AGBL2: variants seen among roughly 807,000 people sequenced by gnomAD.
AGBL2 encodes cytosolic carboxypeptidase 2.
A neutral mutation model predicts 103.0 loss-of-function variants in AGBL2; 87 were observed. That is an observed-to-expected ratio of 0.84 (90% CI 0.71 to 1.01). The LOEUF is 1.01. AGBL2 is among the 50% of genes least tolerant of loss of function. The probability of loss-of-function intolerance (pLI) is 0.00; values close to 1 mark genes in which losing one functional copy is unlikely to be tolerated. For missense variants in AGBL2, 904 were observed against 1,023.5 expected (o/e 0.88, Z 1.59); for synonymous variants, 335 against 356.7 (o/e 0.94, Z 0.69).
At position 47,681,683 on chromosome 11, in the gene AGBL2, C is replaced by T. The variant is rs530684039; in HGVS notation, c.1915+286G>A. On this transcript the variant is annotated intron_variant, in intron 12 of 18. Transcript: ENST00000525123. ...CCATGTTGGTCACGCTGGTCTTGAT[C>T]TCCTGACCTCGTGATCTGCCCGCCT... Among the ~76,000 whole-genome samples the T allele has an allele frequency of 2.6e-5, 4 of 152,350 alleles. No individual in the cohort carries two copies. In the South Asian group the frequency reaches 8.3e-4, roughly 32 times the overall value.
At chr11:47,691,379 T>C (rs2097444683) in intron 9 of AGBL2, among the ~76,000 whole-genome samples, 1 of 151,448 alleles carries the variant, frequency 6.6e-6, no homozygotes, top group Non-Finnish European at 1.5e-5. Context: ...TGCAAAACAA[T>C]ATGTACATAC....
At chr11:47,664,837 T>A (rs985151141) in intron 17 of AGBL2, among the ~76,000 whole-genome samples, 1 of 151,382 alleles carries the variant, frequency 6.6e-6, no homozygotes. Context: ...GGATTACAGG[T>A]GTGAGCTACC....
At chr11:47,709,357 T>C (rs2097530464) in intron 4 of AGBL2, among the ~76,000 whole-genome samples, 1 of 98,608 alleles carries the variant, frequency 1.0e-5, no homozygotes, top group South Asian at 3.5e-4. Flanking sequence ...GGTGTAAGGG[T>C]AGCGGTGGAG....
At chr11:47,710,299 G>C (rs72911742) in intron 4 of AGBL2, 78 bp downstream of exon 4, 88,639 of 1,581,814 alleles carry the variant, frequency 0.056, 2,854 homozygotes, top group Non-Finnish European at 0.064. Context: ...TCCCATGTTA[G>C]AGCAGATTCT....
intron 11 of AGBL2, among the ~76,000 whole-genome samples, chr11:47,682,316 A>G (rs2097404529): frequency 6.6e-6 from 1 of 152,178 alleles, no homozygotes; most frequent in Non-Finnish European, 1.5e-5. Context: ...AACAAAACTA[A>G]ACAGGCTCTC....
intron 13 of AGBL2, among the ~76,000 whole-genome samples, chr11:47,678,343 A>ATTATTATTATTTTTTTTTTTTTTTTTTT (rs2097385523): frequency 9.4e-5 from 11 of 116,868 alleles, no homozygotes; most frequent in South Asian, 3.6e-4. Flanking sequence ...TTATTATTTT[A>ATTATTATTATTTTTTTTTTTTTTTTTTT]TTTTTTTTGA....
At chr11:47,692,857 A>T (rs1011685802) in intron 8 of AGBL2, among the ~76,000 whole-genome samples, 1 of 151,928 alleles carries the variant, frequency 6.6e-6, no homozygotes, top group Non-Finnish European at 1.5e-5. Flanking sequence ...TCACTCTATC[A>T]CCCAGGCTGG....
At chr11:47,696,589 G>T (rs970885490) in intron 8 of AGBL2, among the ~76,000 whole-genome samples, 4 of 152,032 alleles carry the variant, frequency 2.6e-5, no homozygotes. Flanking sequence ...TTTGTGGAAA[G>T]ATTTCTAATT....
At position 47,678,343 on chromosome 11, in the gene AGBL2, A is replaced by ATTTTTTTTTTTTT. The variant is rs1440515781; in HGVS notation, c.2017-943_2017-942insAAAAAAAAAAAAA. ...TTATTTTATTTTATTTTATTATTTT[A>ATTTTTTTTTTTTT]TTTTTTTTGAGACGGAGTCTTGCTC... is the stretch of plus-strand genomic sequence containing the variant. On this transcript the variant is annotated intron_variant, in intron 13 of 18. Transcript: ENST00000525123. 1.9e-4 allele frequency among the ~76,000 whole-genome samples: 22 copies of ATTTTTTTTTTTTT among 116,852 alleles called. No homozygotes were observed. In the South Asian group the frequency reaches 2.2e-3, roughly 11 times the overall value. The allele number at this position is 116,852 out of a possible 152,430, so 76.7% of individuals were successfully genotyped here.
At chr11:47,678,208 C>T (rs1405355861) in intron 13 of AGBL2, among the ~76,000 whole-genome samples, 1 of 148,274 alleles carries the variant, frequency 6.7e-6, no homozygotes, top group Non-Finnish European at 1.5e-5. Context: ...GTGATCTGCC[C>T]GCCTTGGCCT....
chr11:47,684,219 G>A (rs1388812618), intron 11 of AGBL2, among the ~76,000 whole-genome samples: 1 of 151,998 alleles, frequency 6.6e-6, no homozygotes, highest in Non-Finnish European at 1.5e-5. Context: ...GTTGCAGTGA[G>A]TGGAGATCGT....
chr11:47,671,355 A>G (rs1474301396), intron 14 of AGBL2, among the ~76,000 whole-genome samples: 1 of 151,990 alleles, frequency 6.6e-6, no homozygotes, highest in East Asian at 1.9e-4. Flanking sequence ...TCTCTACTAA[A>G]AATACAAAAA....
At chr11:47,705,712 G>C in intron 5 of AGBL2, 78 bp from the exon 6 acceptor site, 1 of 661,250 alleles carries the variant, frequency 1.5e-6, no homozygotes, top group East Asian at 2.5e-5. Context: ...GGAAATGAAA[G>C]GGGGAACTAA....
chr11:47,710,184 G>T, intron 4 of AGBL2, 193 bp downstream of exon 4: 2 of 644,014 alleles, frequency 3.1e-6, no homozygotes, highest in South Asian at 2.0e-5. Flanking sequence ...CACCATGCCC[G>T]GCTAGAAAAT....
rs533283195 is a variant in AGBL2 at position 47,690,519 on chromosome 11, G to A, written c.1188C>T (p.Tyr396=). The A allele has an allele frequency of 3.1e-6, 5 of 1,614,154 alleles. No homozygotes were observed. Among genetic ancestry groups the A allele is most frequent in the Non-Finnish European group, 4.2e-6 (5 of 1,180,028 alleles). Residue 396 remains tyrosine, a synonymous_variant, in exon 10 of 19, where the codon TAC becomes TAT. Transcript: ENST00000525123. ...DQDTCFFAHF[Y]PYTYTDLQCY... is the part of the protein sequence containing the mutation. ...ATTGCAAATCAGTGTATGTATATGG[G>A]TAGAAGTGTGCAAAGAAGCAAGTGT... is the stretch of plus-strand genomic sequence containing the variant.
chr11:47,705,683 G>T, intron 5 of AGBL2, 49 bp from the exon 6 acceptor site: 1 of 614,810 alleles, frequency 1.6e-6, no homozygotes, highest in Non-Finnish European at 2.9e-6. Context: ...GAAAGGGAAT[G>T]AGGAAAAAAG....
At chr11:47,675,468 T>A (rs2097371938) in intron 14 of AGBL2, among the ~76,000 whole-genome samples, 1 of 123,454 alleles carries the variant, frequency 8.1e-6, no homozygotes, top group South Asian at 2.8e-4. Context: ...CACAGTAACC[T>A]CCACCTCTCG....
intron 14 of AGBL2, among the ~76,000 whole-genome samples, chr11:47,669,812 C>T (rs961842340): frequency 3.3e-5 from 5 of 152,252 alleles, no homozygotes; most frequent in East Asian, 1.9e-4. Context: ...GGGGTTTCAC[C>T]GTGTTAGCCA....
chr11:47,678,289 T>C (rs1287875713), intron 13 of AGBL2, among the ~76,000 whole-genome samples: 1 of 17,542 alleles, frequency 5.7e-5, no homozygotes, highest in Non-Finnish European at 1.2e-4. Context: ...TGCAATACTC[T>C]ATTTTATTTT....
Sources: allele counts gnomAD v4.1 joint callset (sites outside exome capture counted in the v4.1 genomes callset), GRCh38; gene constraint gnomAD v4.1.1; transcripts MANE v1.5; gene names NCBI Gene and HGNC (gene_info 2026-07-23, HGNC 2026-07-21).